DLEC1: variants seen among roughly 807,000 people sequenced by gnomAD.
DLEC1 encodes deleted in lung and esophageal cancer protein 1.
A neutral mutation model predicts 198.1 loss-of-function variants in DLEC1; 146 were observed. The ratio of observed to expected loss-of-function variants is 0.74; its 90% CI spans 0.64 to 0.85. The LOEUF (loss-of-function observed/expected upper bound fraction) is 0.85, where lower values mean the gene tolerates loss of function less well. DLEC1 is among the 40% of genes least tolerant of loss of function. The pLI is 0.00. For synonymous variants in DLEC1, 897 were observed against 866.8 expected (o/e 1.03, Z -0.61); for missense variants, 2,233 against 2,220.0 (o/e 1.01, Z -0.12).
At chr3:38,105,953 C>T (rs1000588576) in intron 19 of DLEC1, among the ~76,000 whole-genome samples, 9 of 151,966 alleles carry the variant, frequency 5.9e-5, no homozygotes, top group Non-Finnish European at 7.4e-5. Context: ...AAGTTATTTT[C>T]TTACTGGTTG....
chr3:38,071,141 G>A (rs1202830280), intron 6 of DLEC1, among the ~76,000 whole-genome samples: 1 of 152,152 alleles, frequency 6.6e-6, no homozygotes, highest in Non-Finnish European at 1.5e-5. Context: ...ATATCGTGGG[G>A]TTGTTAGAAG....
At chr3:38,107,148 G>A (rs1304850812) in intron 19 of DLEC1, among the ~76,000 whole-genome samples, 1 of 152,090 alleles carries the variant, frequency 6.6e-6, no homozygotes. Context: ...AAAATCCTGG[G>A]GGCTCAGTAG....
chr3:38,059,688 C>A (rs1696571737), intron 2 of DLEC1, 54 bp from the exon 3 acceptor site: 2 of 1,505,838 alleles, frequency 1.3e-6, no homozygotes, highest in African/African-American at 1.4e-5. Context: ...GGTGTGGGTT[C>A]TTCAAAGTCA....
At chr3:38,101,373 T>C (rs1699297801) in intron 19 of DLEC1, among the ~76,000 whole-genome samples, 1 of 152,128 alleles carries the variant, frequency 6.6e-6, no homozygotes, top group South Asian at 2.1e-4. Context: ...AAGAATCACT[T>C]GAATCCTGGA....
At chr3:38,062,407 A>C (rs754061070) in intron 4 of DLEC1, 39 bp downstream of exon 4, 92 of 1,611,476 alleles carry the variant, frequency 5.7e-5, no homozygotes, top group Non-Finnish European at 7.6e-5. Flanking sequence ...GTTTGGGGGG[A>C]CAGAGAGGCA....
Position 38,088,299 on chromosome 3 carries a change from A to G in DLEC1, c.1576A>G (p.Ile526Val). 2.5e-6 allele frequency: 4 copies of G among 1,613,876 alleles called. No individual in the cohort carries two copies. Among genetic ancestry groups the G allele is most frequent in the Non-Finnish European group, 2.5e-6 (3 of 1,179,776 alleles). Residue 526 changes from isoleucine (I) to valine (V), a missense_variant, in exon 10 of 37, where the codon ATT becomes GTT. Coordinates refer to ENST00000308059, the MANE Select transcript of DLEC1 (RefSeq NM_007335.4). ...TSWPPLSFKA[I>V]ATVGFVEQPP... ...GGGTAATCTGCTTTTCTTTAAGGCC[A>G]TTGCAACCGTCGGCTTTGTTGAACA...
intron 2 of DLEC1, among the ~76,000 whole-genome samples, chr3:38,048,031 A>G (rs1020635598): frequency 3.9e-5 from 6 of 152,194 alleles, no homozygotes; most frequent in Non-Finnish European, 8.8e-5. Flanking sequence ...TTTTAGTATC[A>G]TTGTGCACGC....
At position 38,121,730 on chromosome 3, in the gene DLEC1, G is replaced by T; in HGVS notation, c.4969G>T (p.Val1657Phe). Reference sequence around the variant, plus strand: ...TGTGAGCCAGCAGCGAGTCCGGGAGGTCTACCTGATGAACCTGAGCGGGTG... The same window carrying T: ...TGTGAGCCAGCAGCGAGTCCGGGAGTTCTACCTGATGAACCTGAGCGGGTG... ...CFVSQQRVRE[V>F]YLMNLSGCRS... is the part of the protein sequence containing the mutation. Residue 1657 changes from valine to phenylalanine, a missense_variant, in exon 35 of 37, where the codon GTC (valine) becomes TTC (phenylalanine). Transcript: ENST00000308059. The T allele has an allele frequency of 6.2e-7, 1 of 1,614,076 alleles. No homozygotes were observed. Among genetic ancestry groups the T allele is most frequent in the Non-Finnish European group, 8.5e-7 (1 of 1,179,968 alleles).
chr3:38,120,615 C>T lies in DLEC1; in HGVS notation c.4866+6C>T, dbSNP rs1559469311. ...ACACCAACCAGACCACTCAGGCACG[C>T]CCCAGGCCCACCTACATGTGGAGGA... On this transcript the variant is annotated splice_donor_region_variant and intron_variant, in intron 34 of 36. Coordinates refer to ENST00000308059, the MANE Select transcript of DLEC1 (RefSeq NM_007335.4). 1.9e-6 allele frequency: 3 copies of T among 1,612,648 alleles called. No individual in the cohort carries two copies. The highest frequency in any genetic ancestry group is 2.5e-6 in the Non-Finnish European group (3 of 1,179,920).
intron 6 of DLEC1, among the ~76,000 whole-genome samples, chr3:38,077,445 G>A (rs960848488): frequency 2.0e-4 from 31 of 152,208 alleles, no homozygotes; most frequent in African/African-American, 6.3e-4. Flanking sequence ...AGTGGTGAAA[G>A]TATTGTCCAG....
chr3:38,056,267 A>G (rs1470950519), intron 2 of DLEC1, among the ~76,000 whole-genome samples: 1 of 152,148 alleles, frequency 6.6e-6, no homozygotes, highest in African/African-American at 2.4e-5. Flanking sequence ...TGTCTCAAAA[A>G]AAAACAATAC....
intron 6 of DLEC1, among the ~76,000 whole-genome samples, chr3:38,083,953 A>G (rs1050577080): frequency 5.9e-5 from 9 of 151,996 alleles, no homozygotes; most frequent in African/African-American, 1.9e-4. Flanking sequence ...TTACTATGGA[A>G]ACTTCCCAAA....
intron 27 of DLEC1, 97 bp from the exon 28 acceptor site, chr3:38,116,356 A>AT: frequency 8.4e-7 from 1 of 1,192,758 alleles, no homozygotes; most frequent in Non-Finnish European, 1.2e-6. Flanking sequence ...GTATGGGAGA[A>AT]TAGGTCATCT....
In DLEC1 at chr3:38,120,591, CACCA is replaced by C. The variant is rs1559469257; in HGVS notation, c.4853_4856del (p.Asn1618ArgfsTer31). On this transcript the variant is annotated frameshift_variant, in exon 34 of 37. Coordinates refer to ENST00000308059, the MANE Select transcript of DLEC1 (RefSeq NM_007335.4). LOFTEE classifies it high-confidence loss of function. The stretch of plus-strand genomic sequence containing the variant: ...TTACTCAGAACCTGCTCCTGGAGTA[CACCA>C]ACCAGACCACTCAGGCACGCCCCAG... The C allele has an allele frequency of 1.9e-6, 3 of 1,613,396 alleles. No homozygotes were observed. Among genetic ancestry groups the C allele is most frequent in the Admixed American group, 1.7e-5 (1 of 60,008 alleles).
chr3:38,069,126 G>A (rs1018308206), intron 6 of DLEC1, among the ~76,000 whole-genome samples: 1 of 152,084 alleles, frequency 6.6e-6, no homozygotes, highest in Non-Finnish European at 1.5e-5. Context: ...TTTGGGGAGT[G>A]GGAAATGGCA....
chr3:38,054,817 A>G (rs1696268940), intron 2 of DLEC1, among the ~76,000 whole-genome samples: 1 of 152,220 alleles, frequency 6.6e-6, no homozygotes, highest in Non-Finnish European at 1.5e-5. Context: ...CACAGGTAAA[A>G]TTACCAAGCA....
intron 9 of DLEC1, among the ~76,000 whole-genome samples, chr3:38,086,622 A>G (rs575463981): frequency 5.3e-5 from 8 of 152,326 alleles, no homozygotes; most frequent in African/African-American, 1.9e-4. Flanking sequence ...TTATCCTTCA[A>G]GCCCTGGCTC....
intron 25 of DLEC1, among the ~76,000 whole-genome samples, chr3:38,113,248 T>C (rs1171401648): frequency 2.0e-5 from 3 of 152,190 alleles, no homozygotes; most frequent in Non-Finnish European, 4.4e-5. Flanking sequence ...TTAAAAGTTG[T>C]TGGTGAAGAT....
At chr3:38,103,714 C>T (rs1699420585) in intron 19 of DLEC1, 1 of 152,172 alleles carries the variant, frequency 6.6e-6, no homozygotes. Context: ...CTCTTCTTTT[C>T]ACTTGAAGAC....
Sources: allele counts gnomAD v4.1 joint callset (sites outside exome capture counted in the v4.1 genomes callset), GRCh38; gene constraint gnomAD v4.1.1; transcripts MANE v1.5; gene names NCBI Gene and HGNC (gene_info 2026-07-23, HGNC 2026-07-21).